The following SLC9A9 variants were observed in gnomAD, a reference collection of about 807,000 sequenced individuals.
SLC9A9 encodes the protein solute carrier family 9 member A9.
In SLC9A9, 62 loss-of-function variants were observed where a neutral mutation model predicts 77.8. The ratio of observed to expected loss-of-function variants is 0.80; its 90% CI spans 0.65 to 0.98. SLC9A9 has a LOEUF of 0.98. Among genes scored for constraint, SLC9A9 ranks in the 50% least tolerant of loss-of-function variants. The probability of loss-of-function intolerance (pLI) is 0.00; values close to 1 mark genes in which losing one functional copy is unlikely to be tolerated. For missense variants in SLC9A9, 775 were observed against 774.9 expected, an observed-to-expected ratio of 1.00 and a Z score of 0.00; for synonymous variants, 320 against 283.5, an observed-to-expected ratio of 1.13 and a Z score of -1.29.
At chr3:143,395,476 A>C (rs2033703442) in intron 12 of SLC9A9, among the ~76,000 whole-genome samples, 1 of 152,232 alleles carries the variant, frequency 6.6e-6, no homozygotes, top group Non-Finnish European at 1.5e-5. Context: ...TAAATGTTAG[A>C]CCTAAAACCA....
At chr3:143,340,179 C>T (rs140237399) in intron 14 of SLC9A9, among the ~76,000 whole-genome samples, 1 of 152,316 alleles carries the variant, frequency 6.6e-6, no homozygotes, top group African/African-American at 2.4e-5. Flanking sequence ...TCATGACTGA[C>T]TGGCCTAATA....
At chr3:143,615,574 A>G (rs1222641736) in intron 6 of SLC9A9, among the ~76,000 whole-genome samples, 1 of 151,770 alleles carries the variant, frequency 6.6e-6, no homozygotes, top group Non-Finnish European at 1.5e-5. Flanking sequence ...TGGAAGAGGA[A>G]AAGCATCCCC....
At chr3:143,759,259 C>T (rs566325679) in intron 4 of SLC9A9, among the ~76,000 whole-genome samples, 1 of 152,022 alleles carries the variant, frequency 6.6e-6, no homozygotes, top group Non-Finnish European at 1.5e-5. Flanking sequence ...GTTCAGAAGC[C>T]CTGTGTGTCC....
At chr3:143,787,642 C>T (rs1049686736) in intron 4 of SLC9A9, among the ~76,000 whole-genome samples, 4 of 151,986 alleles carry the variant, frequency 2.6e-5, no homozygotes, top group African/African-American at 9.7e-5. Flanking sequence ...CACTGTTTTT[C>T]ACTGCTGTGT....
intron 12 of SLC9A9, among the ~76,000 whole-genome samples, chr3:143,406,763 G>T (rs966703345): frequency 1.3e-5 from 2 of 151,950 alleles, no homozygotes; most frequent in African/African-American, 2.4e-5. Flanking sequence ...ATCACCTAAG[G>T]TCAGGAGTTC....
intron 11 of SLC9A9, among the ~76,000 whole-genome samples, chr3:143,484,016 T>C (rs572779968): frequency 6.6e-6 from 1 of 152,274 alleles, no homozygotes; most frequent in East Asian, 1.9e-4. Flanking sequence ...AATATAGAAA[T>C]AAATTCACAC....
chr3:143,617,982 A>G (rs2038135038), intron 6 of SLC9A9, among the ~76,000 whole-genome samples: 1 of 152,210 alleles, frequency 6.6e-6, no homozygotes, highest in Admixed American at 6.5e-5. Flanking sequence ...AGGCAATGGG[A>G]TCACTTAAGA....
intron 14 of SLC9A9, among the ~76,000 whole-genome samples, chr3:143,345,116 T>C (rs1469475873): frequency 6.6e-6 from 1 of 152,202 alleles, no homozygotes; most frequent in Non-Finnish European, 1.5e-5. Context: ...ATATAATGAC[T>C]GTGTCTTTGA....
At chr3:143,746,582 TGAA>T (rs1407137804) in intron 4 of SLC9A9, among the ~76,000 whole-genome samples, 1 of 152,172 alleles carries the variant, frequency 6.6e-6, no homozygotes, top group African/African-American at 2.4e-5. Flanking sequence ...AGAGTTTAGT[TGAA>T]AAGATGAATT....
Position 143,679,948 on chromosome 3 carries a change from T to C in SLC9A9, c.649+13244A>G, listed in dbSNP as rs868005227. On this transcript the variant is annotated intron_variant, in intron 5 of 15. Transcript: ENST00000316549. Reference sequence around the variant, plus strand: ...ATAACAGATGGAATAAATAGGATAATGGATACAACTGAAGAAATAATTTAG... The same window carrying C: ...ATAACAGATGGAATAAATAGGATAACGGATACAACTGAAGAAATAATTTAG... Among the ~76,000 whole-genome samples, 3 of 152,140 alleles carry C rather than the reference T, an allele frequency of 2.0e-5. No homozygotes were observed. In the Middle Eastern group the frequency reaches 0.01, roughly 517 times the overall value.
intron 6 of SLC9A9, among the ~76,000 whole-genome samples, chr3:143,592,546 G>A (rs2037669212): frequency 6.6e-6 from 1 of 152,240 alleles, no homozygotes; most frequent in African/African-American, 2.4e-5. Flanking sequence ...TGATAGATCA[G>A]AAAGACTGGC....
intron 9 of SLC9A9, among the ~76,000 whole-genome samples, chr3:143,527,209 C>G (rs2036422072): frequency 6.6e-6 from 1 of 152,164 alleles, no homozygotes; most frequent in Non-Finnish European, 1.5e-5. Flanking sequence ...CCATTTTTCA[C>G]AGATAGCATG....
chr3:143,403,962 T>C (rs1231071956), intron 12 of SLC9A9, among the ~76,000 whole-genome samples: 1 of 152,168 alleles, frequency 6.6e-6, no homozygotes, highest in Admixed American at 6.5e-5. Context: ...CATGTTGGTG[T>C]TCCAAATGGT....
At chr3:143,829,575 A>G (rs775015024) in intron 2 of SLC9A9, among the ~76,000 whole-genome samples, 1 of 152,220 alleles carries the variant, frequency 6.6e-6, no homozygotes, top group Non-Finnish European at 1.5e-5. Flanking sequence ...ATATGATACA[A>G]TTTAGGACTG....
At chr3:143,666,919 C>T (rs912870284) in intron 5 of SLC9A9, among the ~76,000 whole-genome samples, 10 of 152,170 alleles carry the variant, frequency 6.6e-5, no homozygotes, top group South Asian at 4.2e-4. Flanking sequence ...AGGTAATTTA[C>T]AGATTCAATG....
intron 9 of SLC9A9, among the ~76,000 whole-genome samples, chr3:143,533,209 C>T (rs886534725): frequency 7.2e-5 from 11 of 152,218 alleles, no homozygotes; most frequent in Admixed American, 4.6e-4. Context: ...TCCCTGCTCT[C>T]GTGGGGCTGA....
Position 143,728,935 on chromosome 3 carries a change from G to C in SLC9A9, c.534-35628C>G, listed in dbSNP as rs115224940. 3.6e-3 allele frequency among the ~76,000 whole-genome samples: 543 copies of C among 152,014 alleles called. 3 individuals are homozygous for C. The highest frequency in any genetic ancestry group is 0.012 in the African/African-American group (497 of 41,436). On this transcript the variant is annotated intron_variant, in intron 4 of 15. Transcript: ENST00000316549. ...ATGAAAATGTCCATTGGTTATGTTA[G>C]GATTGACAATGTCTGAGCCTCTCCT...
At chr3:143,817,809 G>GATAGCTGTTTAATGTTTA (rs11272542) in intron 2 of SLC9A9, among the ~76,000 whole-genome samples, 139,603 of 152,046 alleles carry the variant, frequency 0.92, 64,653 homozygotes, top group South Asian at 0.98. Context: ...TCTGTTATCT[G>GATAGCTGTTTAATGTTTA]ATAGCCTATT....
chr3:143,562,163 C>T (rs1394487923), intron 8 of SLC9A9, among the ~76,000 whole-genome samples: 1 of 152,166 alleles, frequency 6.6e-6, no homozygotes, highest in Non-Finnish European at 1.5e-5. Context: ...AGGCCTAGGC[C>T]TCAAGCAGCT....
Sources: gnomAD v4.1 joint callset for allele counts (sites outside exome capture counted in the v4.1 genomes callset) on GRCh38, gnomAD v4.1.1 for gene constraint, MANE v1.5 for transcripts, NCBI Gene and HGNC (gene_info 2026-07-23, HGNC 2026-07-21) for gene names.